Variants in TRIM67 observed in about 807,000 individuals in gnomAD.
TRIM67 encodes tripartite motif containing 67, also known as tripartite motif-containing protein 67.
TRIM67 carries 39 observed loss-of-function variants against 71.0 expected under a neutral mutation model. The observed-to-expected ratio is 0.55, with a 90% confidence interval of 0.43 to 0.72. The LOEUF (loss-of-function observed/expected upper bound fraction) is 0.72, where lower values mean the gene tolerates loss of function less well. TRIM67 is among the 30% of genes least tolerant of loss of function. TRIM67 has a pLI of 0.00. For synonymous variants in TRIM67, 481 were observed against 473.9 expected, an observed-to-expected ratio of 1.01 and a Z score of -0.19; for missense variants, 973 against 1,079.2, an observed-to-expected ratio of 0.90 and a Z score of 1.38.
chr1:231,193,503 G>GCGCTCTCTCTCTCTCTCTCTCTCTCT (rs1683287533), intron 1 of TRIM67, among the ~76,000 whole-genome samples: 1 of 81,946 alleles, frequency 1.2e-5, no homozygotes, highest in African/African-American at 4.6e-5. Flanking sequence ...TCTCTCTCAA[G>GCGCTCTCTCTCTCTCTCTCTCTCTCT]CTCTCTCTCT....
chr1:231,220,348 T>A lies in TRIM67; in HGVS notation c.*4908T>A, dbSNP rs953403752. 3 of 188,258 alleles carry A rather than the reference T, an allele frequency of 1.6e-5. No individual in the cohort carries two copies. The Admixed American group carries it at 1.7e-4, about 11-fold the overall frequency. 11.7% of individuals were successfully genotyped at this position (188,258 alleles called of 1,614,324 possible). On this transcript the variant is annotated 3_prime_UTR_variant, in exon 10 of 10. Transcript: ENST00000366653. ...AGGCCTGTTTGAATGGCGCTCTGTG[T>A]GAGTGCTATGAACAGGCTACCTGTC...
chr1:231,215,774 T>G lies in TRIM67; in HGVS notation c.*334T>G. The G allele has an allele frequency of 1.8e-6, 2 of 1,092,462 alleles. No homozygotes were observed. Among genetic ancestry groups the G allele is most frequent in the East Asian group, 1.1e-4 (2 of 17,602 alleles). The allele number at this position is 1,092,462 out of a possible 1,614,324, so 67.7% of individuals were successfully genotyped here. ...GTTTCCTGCCATCTGTTTTCAAAGC[T>G]TGTCTTTTTTTGGAGGGAGAGGAAG... On this transcript the variant is annotated 3_prime_UTR_variant, in exon 10 of 10. Coordinates refer to ENST00000366653, the MANE Select transcript of TRIM67 (RefSeq NM_001004342.5).
At chr1:231,202,253 AAGGAGGAGGTGGTGGCG>A (rs1683571844) in intron 5 of TRIM67, among the ~76,000 whole-genome samples, 1 of 11,666 alleles carries the variant, frequency 8.6e-5, no homozygotes, top group Non-Finnish European at 2.1e-4. Context: ...GGTAGTGGAG[AAGGAGGAGGTGGTGGCG>A]GAGGAGGAGG....
In TRIM67 at chr1:231,163,001, G is replaced by C. The variant is rs773120110; in HGVS notation, c.32G>C (p.Gly11Ala). MEEELKCPVCGSLFREPIILP... is the reference protein window; with the variant it reads MEEELKCPVCASLFREPIILP... Reference sequence around the variant, plus strand: ...GAAGAGCTGAAGTGTCCCGTGTGCGGCTCTCTGTTTCGGGAGCCTATCATC... The same window carrying C: ...GAAGAGCTGAAGTGTCCCGTGTGCGCCTCTCTGTTTCGGGAGCCTATCATC... The change falls in exon 1 of 10, where the codon GGC becomes GCC. Residue 11 changes from glycine to alanine, a missense_variant. By Grantham distance (60) the Gly-to-Ala change is moderately conservative. This residue lies in a region of TRIM67 where 795 missense variants were observed against 831.3 expected (regional missense o/e 0.96). Transcript: ENST00000366653. The C allele has an allele frequency of 2.2e-5, 35 of 1,612,438 alleles. No individual in the cohort carries two copies. Among genetic ancestry groups the C allele is most frequent in the African/African-American group, 2.7e-5 (2 of 74,838 alleles).
In TRIM67 at chr1:231,219,082, C is replaced by A; in HGVS notation, c.*3642C>A. On this transcript the variant is annotated 3_prime_UTR_variant, in exon 10 of 10. Coordinates refer to ENST00000366653, the MANE Select transcript of TRIM67 (RefSeq NM_001004342.5). ...AGGCTGCTGCTGGTCCCATGGCCAC[C>A]TGCTGGCTTTGAGGTAGTGAGGGAG... 1 of 985,560 alleles carries A rather than the reference C, an allele frequency of 1.0e-6. No individual in the cohort carries two copies. The highest frequency in any genetic ancestry group is 1.2e-6 in the Non-Finnish European group (1 of 830,040). 61.1% of individuals were successfully genotyped at this position (985,560 alleles called of 1,614,324 possible). A position where few individuals can be genotyped will look rare whatever the true frequency, so the allele number is the denominator to read the frequency against.
intron 4 of TRIM67, among the ~76,000 whole-genome samples, chr1:231,200,619 G>T (rs1683493664): frequency 6.6e-6 from 1 of 152,172 alleles, no homozygotes; most frequent in South Asian, 2.1e-4. Flanking sequence ...AGTCCTGCAG[G>T]CCTGGCTGGT....
chr1:231,203,779 C>T, intron 5 of TRIM67, 88 bp from the exon 6 acceptor site: 2 of 1,500,416 alleles, frequency 1.3e-6, no homozygotes, highest in South Asian at 1.3e-5. Flanking sequence ...CTCTGGAGGC[C>T]AGGACCCCTG....
intron 6 of TRIM67, among the ~76,000 whole-genome samples, chr1:231,206,392 G>A (rs553912650): frequency 1.3e-5 from 2 of 152,044 alleles, no homozygotes; most frequent in Non-Finnish European, 2.9e-5. Flanking sequence ...GGTAAGCCGA[G>A]ATCACGCCAC....
intron 1 of TRIM67, chr1:231,187,558 TGTG>T: frequency 6.5e-7 from 1 of 1,532,730 alleles, no homozygotes; most frequent in Non-Finnish European, 8.7e-7. Flanking sequence ...AGAAATCCCC[TGTG>T]GTCCATTTCA....
At position 231,218,117 on chromosome 1, in the gene TRIM67, G is replaced by A. The variant is rs1409660203; in HGVS notation, c.*2677G>A. Reference sequence around the variant, plus strand: ...AACGACAGGTCCGTGCCACACACTTGTGTTTTTGAGGGATCAGAAAAGTGA... The same window carrying A: ...AACGACAGGTCCGTGCCACACACTTATGTTTTTGAGGGATCAGAAAAGTGA... On this transcript the variant is annotated 3_prime_UTR_variant, in exon 10 of 10. Transcript: ENST00000366653. 9.6e-6 allele frequency: 10 copies of A among 1,046,772 alleles called. No individual in the cohort carries two copies. Among genetic ancestry groups the A allele is most frequent in the Non-Finnish European group, 1.2e-5 (10 of 863,334 alleles). The allele number at this position is 1,046,772 out of a possible 1,614,324, so 64.8% of individuals were successfully genotyped here.
At chr1:231,215,348 C>G (rs753419156) in intron 9 of TRIM67, 27 bp from the exon 10 acceptor site, 15 of 1,608,900 alleles carry the variant, frequency 9.3e-6, no homozygotes, top group Non-Finnish European at 1.3e-5. Flanking sequence ...CCTCTCCCAC[C>G]CTCACTTGCC....
Position 231,219,767 on chromosome 1 carries a change from C to T in TRIM67, c.*4327C>T, listed in dbSNP as rs563351753. The T allele has an allele frequency of 5.8e-6, 7 of 1,208,394 alleles. No individual in the cohort carries two copies. The East Asian group carries it at 4.1e-4, about 71-fold the overall frequency. 74.9% of individuals were successfully genotyped at this position (1,208,394 alleles called of 1,614,324 possible). Reference sequence around the variant, plus strand: ...ATGGTGATGCTGGAAAATTTCAGGACTTTTCTTTTGCAAGTGAGCCGGTAG... The same window carrying T: ...ATGGTGATGCTGGAAAATTTCAGGATTTTTCTTTTGCAAGTGAGCCGGTAG... On this transcript the variant is annotated 3_prime_UTR_variant, in exon 10 of 10. Transcript: ENST00000366653.
At chr1:231,174,381 TG>T (rs1311309920) in intron 1 of TRIM67, among the ~76,000 whole-genome samples, 1 of 151,858 alleles carries the variant, frequency 6.6e-6, no homozygotes, top group Non-Finnish European at 1.5e-5. Flanking sequence ...TTGCCTAGGC[TG>T]GTCTCAATCT....
Position 231,211,940 on chromosome 1 carries a change from G to T in TRIM67, c.2124-1875G>T, listed in dbSNP as rs977142015. On this transcript the variant is annotated intron_variant, in intron 8 of 9. Transcript: ENST00000366653. Reference sequence around the variant, plus strand: ...ATAATTTAAAAATTAGCCGGGCATGGTGTGTGCCTGTAGTCCTGTTGTACC... The same window carrying T: ...ATAATTTAAAAATTAGCCGGGCATGTTGTGTGCCTGTAGTCCTGTTGTACC... Among the ~76,000 whole-genome samples, 4 of 152,180 alleles carry T rather than the reference G, an allele frequency of 2.6e-5. No individual in the cohort carries two copies. In the South Asian group the frequency reaches 8.3e-4, roughly 32 times the overall value.
In TRIM67 at chr1:231,220,555, C is replaced by T. The variant is rs7542305; in HGVS notation, c.*5115C>T. ...TCTGCAGTGTGAATGGGTTTGAAAT[C>T]CAGTGTGGATAGCACGAAGAGATGC... On this transcript the variant is annotated 3_prime_UTR_variant, in exon 10 of 10. Coordinates refer to ENST00000366653, the MANE Select transcript of TRIM67 (RefSeq NM_001004342.5). 0.04 allele frequency: 6,065 copies of T among 152,610 alleles called. 154 individuals are homozygous for T. The highest frequency in any genetic ancestry group is 0.051 in the African/African-American group (2,113 of 41,562). 9.5% of individuals were successfully genotyped at this position (152,610 alleles called of 1,614,324 possible).
intron 1 of TRIM67, among the ~76,000 whole-genome samples, chr1:231,175,398 C>T (rs139928973): frequency 4.2e-4 from 64 of 152,334 alleles, no homozygotes; most frequent in African/African-American, 1.2e-3. Context: ...TACTTACAAG[C>T]CAACAAATTA....
At position 231,203,854 on chromosome 1, in the gene TRIM67, GT is replaced by G; in HGVS notation, c.1535-12del. 6 of 1,611,014 alleles carry G rather than the reference GT, an allele frequency of 3.7e-6. No homozygotes were observed. The highest frequency in any genetic ancestry group is 4.2e-6 in the Non-Finnish European group (5 of 1,178,882). Reference sequence around the variant, plus strand: ...GGGCTTCCTGCGCTAACTCATGTGTGTCCCCCTCGCAGTGCCACCCGTCCCC... The same window carrying G: ...GGGCTTCCTGCGCTAACTCATGTGTGCCCCCTCGCAGTGCCACCCGTCCCC... On this transcript the variant is annotated splice_polypyrimidine_tract_variant and intron_variant, in intron 5 of 9. Transcript: ENST00000366653.
At chr1:231,167,569 G>C (rs1682509042) in intron 1 of TRIM67, among the ~76,000 whole-genome samples, 1 of 143,118 alleles carries the variant, frequency 7.0e-6, no homozygotes, top group South Asian at 2.1e-4. Flanking sequence ...TGATCCGCCC[G>C]CCTCGGCCTC....
Position 231,219,976 on chromosome 1 carries a change from G to C in TRIM67, c.*4536G>C. ...AACCTGGCTTTAATAGTGATTCATG[G>C]TATGAGTGGGGGCCAATCTCTTATC... On this transcript the variant is annotated 3_prime_UTR_variant, in exon 10 of 10. Transcript: ENST00000366653. 1.6e-6 allele frequency: 2 copies of C among 1,288,356 alleles called. No homozygotes were observed. The highest frequency in any genetic ancestry group is 2.0e-6 in the Non-Finnish European group (2 of 987,558). The allele number at this position is 1,288,356 out of a possible 1,614,324, so 79.8% of individuals were successfully genotyped here. A position where few individuals can be genotyped will look rare whatever the true frequency, so the allele number is the denominator to read the frequency against.
Sources: allele counts gnomAD v4.1 joint callset (sites outside exome capture counted in the v4.1 genomes callset), GRCh38; gene constraint gnomAD v4.1.1; regional missense constraint gnomAD v4.1.1; transcripts MANE v1.5; gene names NCBI Gene and HGNC (gene_info 2026-07-23, HGNC 2026-07-21).